SNTG2: variants seen among roughly 807,000 people sequenced by gnomAD.
SNTG2 encodes the protein gamma-2-syntrophin.
SNTG2 carries 74 observed loss-of-function variants against 70.9 expected under a neutral mutation model. The observed-to-expected ratio is 1.04, with a 90% CI of 0.86 to 1.27. The LOEUF is 1.27. SNTG2 is among the 50% of genes most tolerant of loss of function. The pLI is 0.00. For synonymous variants in SNTG2, 278 were observed against 273.8 expected (o/e 1.02, Z -0.15); for missense variants, 717 against 690.7 (o/e 1.04, Z -0.43).
At chr2:960,383 CAG>C (rs532649251) in intron 1 of SNTG2, among the ~76,000 whole-genome samples, 14 of 152,330 alleles carry the variant, frequency 9.2e-5, no homozygotes, top group Non-Finnish European at 1.8e-4. Flanking sequence ...GGGAATGCTT[CAG>C]TGCACGATGC....
intron 9 of SNTG2, among the ~76,000 whole-genome samples, chr2:1,236,039 C>G (rs895327264): frequency 1.3e-5 from 2 of 152,056 alleles, no homozygotes; most frequent in Non-Finnish European, 1.5e-5. Flanking sequence ...ACTTGGCTGT[C>G]GTCCGCAATA....
At chr2:1,205,127 G>A (rs748464975) in intron 8 of SNTG2, among the ~76,000 whole-genome samples, 5 of 152,030 alleles carry the variant, frequency 3.3e-5, no homozygotes, top group Non-Finnish European at 7.4e-5. Context: ...GATAATCAGA[G>A]AACGTAGACT....
At chr2:1,265,634 G>A (rs73177706) in intron 13 of SNTG2, among the ~76,000 whole-genome samples, 1,917 of 152,336 alleles carry the variant, frequency 0.013, 32 homozygotes, top group African/African-American at 0.044. Flanking sequence ...TGTGCCTAGA[G>A]TGCATGTGTC....
At chr2:1,142,694 C>T (rs1272931186) in intron 6 of SNTG2, among the ~76,000 whole-genome samples, 2 of 152,178 alleles carry the variant, frequency 1.3e-5, no homozygotes, top group Non-Finnish European at 2.9e-5. Flanking sequence ...TAGAGTCTCT[C>T]TCAAGTAATT....
chr2:1,222,211 TC>T (rs1253820754), intron 9 of SNTG2, among the ~76,000 whole-genome samples: 4 of 151,920 alleles, frequency 2.6e-5, no homozygotes, highest in Non-Finnish European at 4.4e-5. Flanking sequence ...GAGGATCTTT[TC>T]TTTTCACCTC....
chr2:1,186,177 A>G (rs1672236925), intron 8 of SNTG2, among the ~76,000 whole-genome samples: 4 of 152,198 alleles, frequency 2.6e-5, no homozygotes, highest in Admixed American at 2.6e-4. Context: ...AAGTGTAACA[A>G]AAGTGATGAC....
At chr2:1,125,611 G>A (rs1667649469) in intron 4 of SNTG2, among the ~76,000 whole-genome samples, 1 of 152,182 alleles carries the variant, frequency 6.6e-6, no homozygotes. Flanking sequence ...CAGAAGGAAA[G>A]CATACTTTAG....
intron 8 of SNTG2, among the ~76,000 whole-genome samples, chr2:1,191,699 G>A (rs1270639750): frequency 6.6e-6 from 1 of 152,166 alleles, no homozygotes; most frequent in African/African-American, 2.4e-5. Context: ...GGAGGCTGAG[G>A]CAGGAGAATC....
chr2:1,261,784 T>G (rs530897984), intron 13 of SNTG2, among the ~76,000 whole-genome samples: 12 of 152,206 alleles, frequency 7.9e-5, no homozygotes, highest in African/African-American at 2.9e-4. Flanking sequence ...TTGAGTTAAT[T>G]CTCTCCCCAC....
At chr2:1,147,914 G>C (rs28430633) in intron 6 of SNTG2, among the ~76,000 whole-genome samples, 1 of 152,172 alleles carries the variant, frequency 6.6e-6, no homozygotes, top group Non-Finnish European at 1.5e-5. Flanking sequence ...TTCAGAGGCA[G>C]TTGAAGCAAT....
Position 1,249,485 on chromosome 2 carries a change from G to A in SNTG2, c.1005+2042G>A, listed in dbSNP as rs565818744. Among the ~76,000 whole-genome samples, 5 of 152,284 alleles carry A rather than the reference G, an allele frequency of 3.3e-5. No individual in the cohort carries two copies. The South Asian group carries it at 1.0e-3, about 32-fold the overall frequency. On this transcript the variant is annotated intron_variant, in intron 12 of 16. Transcript: ENST00000308624. ...TTTAATACCAGAATATTCTTACAAT[G>A]TACTGAAAATCCAGAGTGCAGGGAG... is the stretch of plus-strand genomic sequence containing the variant.
intron 1 of SNTG2, among the ~76,000 whole-genome samples, chr2:1,000,594 A>G (rs1454192425): frequency 2.0e-5 from 3 of 151,766 alleles, no homozygotes; most frequent in Non-Finnish European, 4.4e-5. Flanking sequence ...ATCCTGAACA[A>G]CCCAATAACT....
chr2:975,216 G>A (rs972718421), intron 1 of SNTG2, among the ~76,000 whole-genome samples: 11 of 150,268 alleles, frequency 7.3e-5, no homozygotes, highest in East Asian at 2.0e-4. Flanking sequence ...AACACCACAC[G>A]CTTGGACTCA....
chr2:1,218,348 G>A (rs1345693160), intron 9 of SNTG2, among the ~76,000 whole-genome samples: 1 of 152,194 alleles, frequency 6.6e-6, no homozygotes. Flanking sequence ...TGGAGCAGAT[G>A]TTTCCACCAA....
At chr2:1,063,369 C>T (rs1243365650) in intron 1 of SNTG2, among the ~76,000 whole-genome samples, 1 of 152,114 alleles carries the variant, frequency 6.6e-6, no homozygotes, top group African/African-American at 2.4e-5. Context: ...CATTTGCCCA[C>T]CAGCCCTTCA....
At chr2:1,000,580 A>G (rs902981553) in intron 1 of SNTG2, among the ~76,000 whole-genome samples, 1 of 151,836 alleles carries the variant, frequency 6.6e-6, no homozygotes, top group Admixed American at 6.6e-5. Flanking sequence ...AGGAAGAAAT[A>G]GAAATCCTGA....
chr2:1,203,276 A>C (rs1330404469), intron 8 of SNTG2, among the ~76,000 whole-genome samples: 1 of 152,172 alleles, frequency 6.6e-6, no homozygotes, highest in African/African-American at 2.4e-5. Context: ...CTTTCAGGAA[A>C]TAGAGGAGGT....
At chr2:1,167,592 A>G (rs35503729) in intron 7 of SNTG2, among the ~76,000 whole-genome samples, 5 of 98,926 alleles carry the variant, frequency 5.1e-5, no homozygotes, top group African/African-American at 1.2e-4. Flanking sequence ...GAAGCCTAGA[A>G]GCCGCCCACA....
intron 1 of SNTG2, among the ~76,000 whole-genome samples, chr2:1,075,090 A>G (rs538718550): frequency 6.5e-4 from 99 of 152,372 alleles, no homozygotes; most frequent in African/African-American, 2.3e-3. Context: ...GGTGCCAAGA[A>G]TAATGCACAT....
Sources: allele counts gnomAD v4.1 joint callset (sites outside exome capture counted in the v4.1 genomes callset), GRCh38; gene constraint gnomAD v4.1.1; transcripts MANE v1.5; gene names NCBI Gene and HGNC (gene_info 2026-07-23, HGNC 2026-07-21).